SLC38A12: variants seen among roughly 807,000 people sequenced by gnomAD.
SLC38A12 encodes putative sodium-coupled neutral amino acid transporter 12.
At chr17:74,826,845 G>C in the SLC38A12 span, among the ~76,000 whole-genome samples, 2 of 152,194 alleles carry the variant, frequency 1.3e-5, no homozygotes, top group Non-Finnish European at 2.9e-5. Flanking sequence ...GGCCTTGAGG[G>C]GCCTTAAAAG....
At chr17:74,786,818 G>A in the SLC38A12 span, among the ~76,000 whole-genome samples, 6 of 152,126 alleles carry the variant, frequency 3.9e-5, no homozygotes, top group Non-Finnish European at 8.8e-5. Context: ...GTGAGCCCTG[G>A]CAGCCAAGAG....
the SLC38A12 span, chr17:74,839,283 G>A: frequency 1.8e-6 from 2 of 1,116,116 alleles, no homozygotes; most frequent in South Asian, 1.7e-5. Context: ...TACGGGGCAG[G>A]GAGCAGCCTC....
the SLC38A12 span, chr17:74,795,174 CAG>C: frequency 7.4e-7 from 1 of 1,360,446 alleles, no homozygotes; most frequent in Non-Finnish European, 1.0e-6. Flanking sequence ...CAAGTCAGGG[CAG>C]AGTGTCCAGG....
the SLC38A12 span, among the ~76,000 whole-genome samples, chr17:74,776,766 A>T: frequency 6.6e-6 from 1 of 152,130 alleles, no homozygotes; most frequent in Non-Finnish European, 1.5e-5. Context: ...AGGTGGGGCC[A>T]GGGAGTGGAG....
the SLC38A12 span, among the ~76,000 whole-genome samples, chr17:74,791,367 C>T: frequency 1.4e-5 from 2 of 138,382 alleles, no homozygotes; most frequent in African/African-American, 6.0e-5. Context: ...GGTCAGGAAC[C>T]CCAGGCAGCT....
the SLC38A12 span, chr17:74,790,433 T>C: frequency 1.3e-6 from 1 of 779,904 alleles, no homozygotes; most frequent in Non-Finnish European, 2.2e-6. Context: ...GGCCCTGTGG[T>C]AGACTCAAAA....
chr17:74,785,183 G>A, the SLC38A12 span, among the ~76,000 whole-genome samples: 35 of 152,320 alleles, frequency 2.3e-4, no homozygotes, highest in Non-Finnish European at 7.3e-5. Context: ...TGAGTAGAGC[G>A]CTAGCATCTG....
the SLC38A12 span, among the ~76,000 whole-genome samples, chr17:74,814,332 G>A: frequency 6.6e-6 from 1 of 151,284 alleles, no homozygotes; most frequent in Non-Finnish European, 1.5e-5. Context: ...AGATGCCGAT[G>A]ATGGTGGGGA....
the SLC38A12 span, chr17:74,836,555 T>G: frequency 6.2e-7 from 1 of 1,613,388 alleles, no homozygotes; most frequent in Non-Finnish European, 8.5e-7. This position sits in a 1 kb window ranked among gnomAD's most constrained non-coding sequence, Gnocchi z 4.2. Context: ...AGCTGGCCTT[T>G]GGCTGTGGGG....
At chr17:74,800,767 C>T in the SLC38A12 span, among the ~76,000 whole-genome samples, 4 of 150,070 alleles carry the variant, frequency 2.7e-5, no homozygotes, top group African/African-American at 9.9e-5. Flanking sequence ...ACACTGCCCC[C>T]GAGTTTATGC....
chr17:74,785,405 A>T, the SLC38A12 span: 2 of 1,558,688 alleles, frequency 1.3e-6, no homozygotes, highest in Non-Finnish European at 1.7e-6. Context: ...TGCCATCACC[A>T]GGGTCGTTCC....
At chr17:74,798,298 A>T in the SLC38A12 span, among the ~76,000 whole-genome samples, 2 of 152,216 alleles carry the variant, frequency 1.3e-5, no homozygotes, top group African/African-American at 4.8e-5. Flanking sequence ...GTGTCTTCCC[A>T]GGAATGCTCC....
At chr17:74,780,863 A>G in the SLC38A12 span, among the ~76,000 whole-genome samples, 1 of 152,210 alleles carries the variant, frequency 6.6e-6, no homozygotes, top group Non-Finnish European at 1.5e-5. Context: ...CCAACTGCCA[A>G]TAGTTTCTCT....
At chr17:74,813,760 C>G in the SLC38A12 span, among the ~76,000 whole-genome samples, 1 of 152,020 alleles carries the variant, frequency 6.6e-6, no homozygotes, top group Non-Finnish European at 1.5e-5. Flanking sequence ...CTTGGCCTCC[C>G]AAAGTGCTGG....
the SLC38A12 span, among the ~76,000 whole-genome samples, chr17:74,804,379 G>A: frequency 1.3e-5 from 2 of 152,264 alleles, no homozygotes; most frequent in African/African-American, 4.8e-5. Flanking sequence ...CTGAGTGTGC[G>A]CTGTGCAGTG....
At chr17:74,826,879 C>T in the SLC38A12 span, among the ~76,000 whole-genome samples, 1 of 151,998 alleles carries the variant, frequency 6.6e-6, no homozygotes, top group African/African-American at 2.4e-5. Flanking sequence ...TGGGGGTAGG[C>T]GGGGGCGTAA....
the SLC38A12 span, chr17:74,795,441 C>A: frequency 8.2e-7 from 1 of 1,213,866 alleles, no homozygotes; most frequent in Non-Finnish European, 1.2e-6. Context: ...GCTCAGGCAG[C>A]TGTGCAGGGA....
the SLC38A12 span, among the ~76,000 whole-genome samples, chr17:74,778,233 A>G: frequency 1.3e-5 from 2 of 152,186 alleles, no homozygotes; most frequent in Admixed American, 6.5e-5. Context: ...TATCTTCTCT[A>G]TGTAACGTAT....
chr17:74,788,906 T>A, the SLC38A12 span: 1 of 1,593,378 alleles, frequency 6.3e-7, no homozygotes, highest in Admixed American at 1.7e-5. Flanking sequence ...GCCATGCCTC[T>A]GTTCCGTCAG....
Sources: allele counts gnomAD v4.1 joint callset (sites outside exome capture counted in the v4.1 genomes callset), GRCh38; gene constraint gnomAD v4.1.1; non-coding constraint Gnocchi (gnomAD v3.1); transcripts MANE v1.5; gene names NCBI Gene and HGNC (gene_info 2026-07-23, HGNC 2026-07-21).